TSPAN5: variants seen among roughly 807,000 people sequenced by gnomAD.
The protein encoded by TSPAN5 is tetraspanin-5.
Under a neutral mutation model 37.1 loss-of-function variants are expected in TSPAN5, and 10 were observed. The ratio of observed to expected loss-of-function variants is 0.27; its 90% CI spans 0.17 to 0.46. The LOEUF is 0.46. Ranked by LOEUF, TSPAN5 falls within the 20% of genes least tolerant of loss-of-function variation. TSPAN5 has a pLI of 1.00. For synonymous variants in TSPAN5, 110 were observed against 118.9 expected, an observed-to-expected ratio of 0.93 and a Z score of 0.48; for missense variants, 195 against 326.6, an observed-to-expected ratio of 0.60 and a Z score of 3.11.
At chr4:98,648,383 T>C (rs1410418420) in intron 1 of TSPAN5, among the ~76,000 whole-genome samples, 1 of 152,128 alleles carries the variant, frequency 6.6e-6, no homozygotes, top group Non-Finnish European at 1.5e-5. Flanking sequence ...TCTGCCCTTG[T>C]TAAGTGTCTG....
intron 1 of TSPAN5, among the ~76,000 whole-genome samples, chr4:98,533,614 G>A (rs546507421): frequency 1.5e-4 from 20 of 133,692 alleles, no homozygotes; most frequent in Admixed American, 1.3e-3. Context: ...GCAGTGGCGC[G>A]ATCTTGGCTC....
intron 2 of TSPAN5, among the ~76,000 whole-genome samples, chr4:98,494,012 A>T (rs1753144208): frequency 6.6e-6 from 1 of 152,252 alleles, no homozygotes; most frequent in Admixed American, 6.5e-5. Context: ...GGTACCAGAC[A>T]GCATCTCTCA....
At chr4:98,571,747 T>C (rs980087716) in intron 1 of TSPAN5, among the ~76,000 whole-genome samples, 1 of 152,132 alleles carries the variant, frequency 6.6e-6, no homozygotes, top group African/African-American at 2.4e-5. Flanking sequence ...TCAAACTATC[T>C]ACATCATACG....
chr4:98,537,907 GGGGTTCACCTTCT>G (rs1444301419), intron 1 of TSPAN5, among the ~76,000 whole-genome samples: 7 of 152,244 alleles, frequency 4.6e-5, no homozygotes, highest in Non-Finnish European at 1.0e-4. Context: ...GGTAGGTGGT[GGGGTTCACCTTCT>G]TCCATGCTGA....
At chr4:98,492,179 T>C (rs1387766431) in intron 2 of TSPAN5, among the ~76,000 whole-genome samples, 3 of 152,108 alleles carry the variant, frequency 2.0e-5, no homozygotes, top group African/African-American at 7.2e-5. Flanking sequence ...TGGATTCCCT[T>C]CCTAAAGTGC....
intron 1 of TSPAN5, among the ~76,000 whole-genome samples, chr4:98,586,932 G>C (rs1346371903): frequency 6.6e-6 from 1 of 152,206 alleles, no homozygotes; most frequent in African/African-American, 2.4e-5. Flanking sequence ...GGCTTCCAAA[G>C]GGAAAAGGGG....
intron 2 of TSPAN5, among the ~76,000 whole-genome samples, chr4:98,502,591 T>G (rs1038356146): frequency 1.3e-5 from 2 of 152,190 alleles, no homozygotes; most frequent in African/African-American, 4.8e-5. Context: ...GGACCCAGCA[T>G]GGGTTCAATA....
intron 1 of TSPAN5, among the ~76,000 whole-genome samples, chr4:98,635,757 T>C (rs938359912): frequency 1.2e-4 from 18 of 152,210 alleles, no homozygotes; most frequent in Middle Eastern, 3.2e-3. Context: ...CAGCCCCCTC[T>C]TCATAGATGC....
At chr4:98,481,106 G>A (rs1341898980) in intron 4 of TSPAN5, among the ~76,000 whole-genome samples, 4 of 152,006 alleles carry the variant, frequency 2.6e-5, no homozygotes, top group African/African-American at 7.3e-5. Flanking sequence ...CAGCCTACCC[G>A]ACTTTTCAGT....
chr4:98,499,907 G>A (rs750103031), intron 2 of TSPAN5, among the ~76,000 whole-genome samples: 8 of 151,790 alleles, frequency 5.3e-5, no homozygotes, highest in Non-Finnish European at 7.4e-5. Context: ...TGATCTGCTC[G>A]CCTCGGCCTC....
intron 1 of TSPAN5, among the ~76,000 whole-genome samples, chr4:98,628,908 A>G (rs1756670473): frequency 6.6e-6 from 1 of 152,194 alleles, no homozygotes; most frequent in African/African-American, 2.4e-5. Flanking sequence ...TCTCTAAATG[A>G]CATTCTCACA....
At chr4:98,559,100 A>G (rs1578992232) in intron 1 of TSPAN5, among the ~76,000 whole-genome samples, 1 of 151,778 alleles carries the variant, frequency 6.6e-6, no homozygotes, top group African/African-American at 2.4e-5. Flanking sequence ...TAATGCAGTA[A>G]AACACCGTGG....
At chr4:98,491,006 G>A (rs1379948427) in intron 2 of TSPAN5, among the ~76,000 whole-genome samples, 1 of 151,990 alleles carries the variant, frequency 6.6e-6, no homozygotes, top group African/African-American at 2.4e-5. Flanking sequence ...AGCTTGCAGT[G>A]AGCCGATATC....
At chr4:98,590,944 T>C (rs976819262) in intron 1 of TSPAN5, among the ~76,000 whole-genome samples, 2 of 152,182 alleles carry the variant, frequency 1.3e-5, no homozygotes, top group African/African-American at 4.8e-5. Flanking sequence ...TGGGTACCTG[T>C]AATCAGTAAA....
chr4:98,498,100 C>A (rs1421040638), intron 2 of TSPAN5, among the ~76,000 whole-genome samples: 1 of 152,148 alleles, frequency 6.6e-6, no homozygotes, highest in East Asian at 1.9e-4. Flanking sequence ...AAAAGCAGCA[C>A]CAAAAGAACT....
chr4:98,628,619 A>G (rs899921121), intron 1 of TSPAN5, among the ~76,000 whole-genome samples: 2 of 152,172 alleles, frequency 1.3e-5, no homozygotes, highest in Non-Finnish European at 2.9e-5. Flanking sequence ...CAGCTCCCTG[A>G]TAGGCATGGC....
Position 98,471,891 on chromosome 4 carries a change from C to T in TSPAN5, c.*631G>A, listed in dbSNP as rs1424308057. ...GCCCTTGCTCGGTGCACATGAAATA[C>T]ACAACTTCTCTTATAAGGAGACTTT... is the stretch of plus-strand genomic sequence containing the variant. On this transcript the variant is annotated 3_prime_UTR_variant, in exon 8 of 8. Transcript: ENST00000305798. The T allele has an allele frequency of 6.6e-6, 1 of 152,224 alleles. No homozygotes were observed. Among genetic ancestry groups the T allele is most frequent in the Admixed American group, 6.5e-5 (1 of 15,282 alleles). The allele number at this position is 152,224 out of a possible 1,614,324, so 9.4% of individuals were successfully genotyped here.
At chr4:98,639,138 T>A (rs1187885371) in intron 1 of TSPAN5, among the ~76,000 whole-genome samples, 1 of 152,140 alleles carries the variant, frequency 6.6e-6, no homozygotes, top group African/African-American at 2.4e-5. Flanking sequence ...CTCCCAACAA[T>A]TTGTGTGTAT....
chr4:98,657,875 A>C (rs537067572), intron 1 of TSPAN5, among the ~76,000 whole-genome samples: 1 of 151,114 alleles, frequency 6.6e-6, no homozygotes, highest in Non-Finnish European at 1.5e-5. Flanking sequence ...TTTTATCTGC[A>C]TCCCTGCTAT....
Sources: gnomAD v4.1 joint callset for allele counts (sites outside exome capture counted in the v4.1 genomes callset) on GRCh38, gnomAD v4.1.1 for gene constraint, MANE v1.5 for transcripts, NCBI Gene and HGNC (gene_info 2026-07-23, HGNC 2026-07-21) for gene names.